IL1RAP: variants seen among roughly 807,000 people sequenced by gnomAD.
IL1RAP encodes interleukin-1 receptor accessory protein.
A neutral mutation model predicts 60.7 loss-of-function variants in IL1RAP; 35 were observed. The ratio of observed to expected loss-of-function variants is 0.58; its 90% CI spans 0.44 to 0.76. The LOEUF is 0.76. IL1RAP is among the 30% of genes least tolerant of loss of function. The pLI, the probability that IL1RAP is intolerant of heterozygous loss-of-function variation, is 0.00. For missense variants in IL1RAP, 572 were observed against 693.9 expected (o/e 0.82, Z 1.97); for synonymous variants, 268 against 250.9 (o/e 1.07, Z -0.64).
Position 190,649,558 on chromosome 3 carries a change from C to A in IL1RAP, c.*853C>A, listed in dbSNP as rs566364277. Reference sequence around the variant, plus strand: ...AGGTAACAGAAAGACTCTTTTAGGGCATTTTTCTGACTCATGAAAAGAGCA... The same window carrying A: ...AGGTAACAGAAAGACTCTTTTAGGGAATTTTTCTGACTCATGAAAAGAGCA... On this transcript the variant is annotated 3_prime_UTR_variant, in exon 12 of 12. Coordinates refer to ENST00000447382, the MANE Select transcript of IL1RAP (RefSeq NM_002182.4). 6.5e-5 allele frequency: 64 copies of A among 985,646 alleles called. No homozygotes were observed. The African/African-American group carries it at 1.1e-3, about 17-fold the overall frequency. The allele number at this position is 985,646 out of a possible 1,614,324, so 61.1% of individuals were successfully genotyped here.
At chr3:190,655,557 C>CTGTGTGTG (rs1734586545), downstream of IL1RAP, among the ~76,000 whole-genome samples, 9 of 102,532 alleles carry the variant, frequency 8.8e-5, no homozygotes, top group African/African-American at 3.0e-4. Context: ...CAATTGCCCA[C>CTGTGTGTG]CGTGTGTGTG....
chr3:190,633,513 T>C (rs572039543), intron 9 of IL1RAP, among the ~76,000 whole-genome samples: 52 of 152,118 alleles, frequency 3.4e-4, no homozygotes, highest in Non-Finnish European at 5.6e-4. Context: ...CCCACTACCA[T>C]ACCCGGCTAA....
intron 1 of IL1RAP, among the ~76,000 whole-genome samples, chr3:190,529,960 A>G (rs191558411): frequency 1.3e-4 from 20 of 152,246 alleles, no homozygotes; most frequent in South Asian, 1.2e-3. Context: ...TGTGAGTTGC[A>G]GTACTACCTA....
chr3:190,586,123 A>C (rs992424684), intron 3 of IL1RAP, among the ~76,000 whole-genome samples: 9 of 152,150 alleles, frequency 5.9e-5, no homozygotes, highest in Non-Finnish European at 1.2e-4. Flanking sequence ...GATGAGTGTC[A>C]CCCATCTTGA....
At chr3:190,598,311 G>A (rs1410948049) in intron 3 of IL1RAP, among the ~76,000 whole-genome samples, 1 of 152,022 alleles carries the variant, frequency 6.6e-6, no homozygotes, top group South Asian at 2.1e-4. Flanking sequence ...CTATCCAACT[G>A]TTTTCTTCCT....
Position 190,627,446 on chromosome 3 carries a change from A to G in IL1RAP, c.899A>G (p.Glu300Gly). The change falls in exon 8 of 12, where the codon GAA becomes GGA. Residue 300 changes from glutamate (E) to glycine (G), a missense_variant. Coordinates refer to ENST00000447382, the MANE Select transcript of IL1RAP (RefSeq NM_002182.4). ...ATCACTATTGATGTCACCATTAACGAAAGGTATCATGGGGGCCAGCAAGGG... is the reference window on the plus strand; with the variant it reads ...ATCACTATTGATGTCACCATTAACGGAAGGTATCATGGGGGCCAGCAAGGG... ...DDITIDVTIN[E>G]SISHSRTEDE... The G allele has an allele frequency of 6.2e-7, 1 of 1,610,980 alleles. No individual in the cohort carries two copies. The highest frequency in any genetic ancestry group is 2.2e-5 in the East Asian group (1 of 44,850).
chr3:190,556,321 A>G (rs1725425815), intron 2 of IL1RAP, 105 bp downstream of exon 2: 1 of 152,140 alleles, frequency 6.6e-6, no homozygotes, highest in Non-Finnish European at 1.5e-5. Context: ...AAAACCAAGC[A>G]AAAACTTTAG....
At chr3:190,589,195 A>G (rs1468333608) in intron 3 of IL1RAP, among the ~76,000 whole-genome samples, 1 of 151,930 alleles carries the variant, frequency 6.6e-6, no homozygotes, top group Non-Finnish European at 1.5e-5. Flanking sequence ...CTTAGCATTT[A>G]CTCTTCCCAA....
At chr3:190,655,913 T>C, downstream of IL1RAP, 1 of 1,537,324 alleles carries the variant, frequency 6.5e-7, no homozygotes, top group Non-Finnish European at 8.7e-7. Flanking sequence ...GTTTTTGATT[T>C]CATTCAGAGA....
At chr3:190,586,853 A>G (rs1007266960) in intron 3 of IL1RAP, among the ~76,000 whole-genome samples, 1 of 151,984 alleles carries the variant, frequency 6.6e-6, no homozygotes, top group African/African-American at 2.4e-5. Flanking sequence ...GACACTCTCT[A>G]ATTTAGACAG....
intron 3 of IL1RAP, among the ~76,000 whole-genome samples, chr3:190,567,713 T>A (rs1255177443): frequency 6.6e-6 from 1 of 152,214 alleles, no homozygotes; most frequent in Non-Finnish European, 1.5e-5. Flanking sequence ...TTTCTATGCT[T>A]TGTAGGTAAG....
At chr3:190,583,295 TACTC>T (rs1728160884) in intron 3 of IL1RAP, among the ~76,000 whole-genome samples, 1 of 152,234 alleles carries the variant, frequency 6.6e-6, no homozygotes, top group African/African-American at 2.4e-5. Context: ...GCTCAGTAAA[TACTC>T]AGCGAATGAA....
Position 190,649,476 on chromosome 3 carries a change from G to A in IL1RAP, c.*771G>A, listed in dbSNP as rs1734261345. The stretch of plus-strand genomic sequence containing the variant: ...CGCATTGCTCATTTAGAGTTTGCAG[G>A]AGGCTCCATACTAGGTTCAGTCTGA... On this transcript the variant is annotated 3_prime_UTR_variant, in exon 12 of 12. Transcript: ENST00000447382. 1 of 985,586 alleles carries A rather than the reference G, an allele frequency of 1.0e-6. No individual in the cohort carries two copies. The allele number at this position is 985,586 out of a possible 1,614,324, so 61.1% of individuals were successfully genotyped here.
chr3:190,618,517 C>T (rs983993084), intron 5 of IL1RAP, among the ~76,000 whole-genome samples: 11 of 152,068 alleles, frequency 7.2e-5, no homozygotes, highest in South Asian at 4.1e-4. Flanking sequence ...TCATTTTTTC[C>T]GTCTATAAAA....
chr3:190,578,326 A>C (rs1195847234), intron 3 of IL1RAP, among the ~76,000 whole-genome samples: 1 of 152,198 alleles, frequency 6.6e-6, no homozygotes, highest in African/African-American at 2.4e-5. Flanking sequence ...ATTCCTCGGG[A>C]TGGCAAGCAA....
At chr3:190,625,404 A>G (rs1374711275) in intron 7 of IL1RAP, among the ~76,000 whole-genome samples, 1 of 152,158 alleles carries the variant, frequency 6.6e-6, no homozygotes, top group Admixed American at 6.5e-5. Flanking sequence ...CTGTGGCATC[A>G]GGGCGGGCAG....
chr3:190,574,847 C>T (rs1235637925), intron 3 of IL1RAP, among the ~76,000 whole-genome samples: 3 of 152,160 alleles, frequency 2.0e-5, no homozygotes, highest in Non-Finnish European at 4.4e-5. Flanking sequence ...CACTTGGGCT[C>T]AGCAAGTACA....
intron 1 of IL1RAP, among the ~76,000 whole-genome samples, chr3:190,519,882 CTG>C (rs1373806721): frequency 6.6e-6 from 1 of 152,152 alleles, no homozygotes; most frequent in East Asian, 1.9e-4. Flanking sequence ...TCTATCTAAT[CTG>C]TGTGTCAATC....
chr3:190,657,587 A>G (rs1734655968), exon 12 of IL1RAP: 1 of 152,246 alleles, frequency 6.6e-6, no homozygotes, highest in African/African-American at 2.4e-5. Flanking sequence ...GCCAGATACC[A>G]GCTTATTTTA....
Sources: allele counts gnomAD v4.1 joint callset (sites outside exome capture counted in the v4.1 genomes callset), GRCh38; gene constraint gnomAD v4.1.1; transcripts MANE v1.5; gene names NCBI Gene and HGNC (gene_info 2026-07-23, HGNC 2026-07-21).